RELL1: variants seen among roughly 807,000 people sequenced by gnomAD.
RELL1 encodes the protein RELT-like protein 1.
RELL1 carries 10 observed loss-of-function variants against 23.0 expected under a neutral mutation model. The observed-to-expected ratio is 0.43, with a 90% CI of 0.27 to 0.74. The LOEUF is 0.74. Among genes scored for constraint, RELL1 ranks in the 30% least tolerant of loss-of-function variants. RELL1 has a pLI of 0.19. For missense variants in RELL1, 315 were observed against 364.4 expected (o/e 0.86, Z 1.10); for synonymous variants, 146 against 146.8 (o/e 0.99, Z 0.04).
intron 6 of RELL1, among the ~76,000 whole-genome samples, chr4:37,600,278 A>T (rs868798348): frequency 0.015 from 2,235 of 152,066 alleles, 71 homozygotes; most frequent in African/African-American, 0.051. Context: ...TCAAAAAAAA[A>T]AAAAAAAAAA....
Position 37,650,553 on chromosome 4 carries a change from C to T in RELL1, c.89-1053G>A, listed in dbSNP as rs189188390. Among the ~76,000 whole-genome samples, 36 of 152,136 alleles carry T rather than the reference C, an allele frequency of 2.4e-4. No homozygotes were observed. In the East Asian group the frequency reaches 5.2e-3, roughly 22 times the overall value. ...AATGCTGTGGAAGGAAAACACGGGG[C>T]ACTAGAAGAGAAAAGAACAGTGGGG... On this transcript the variant is annotated intron_variant, in intron 1 of 6. Coordinates refer to ENST00000454158, the MANE Select transcript of RELL1 (RefSeq NM_001085400.2).
In RELL1 at chr4:37,597,647, A is replaced by G. The variant is rs2109480912; in HGVS notation, c.*4-6430T>C. Among the ~76,000 whole-genome samples, 5 of 152,346 alleles carry G rather than the reference A, an allele frequency of 3.3e-5. No individual in the cohort carries two copies. The Middle Eastern group carries it at 0.017, about 518-fold the overall frequency. On this transcript the variant is annotated intron_variant, in intron 6 of 6. Coordinates refer to the RELL1 transcript ENST00000314117. Reference sequence around the variant, plus strand: ...TGTTGATGCTTAGAAAGGAAACAAAAGCTTTAAATTACCAATTTCTGAAGA... The same window carrying G: ...TGTTGATGCTTAGAAAGGAAACAAAGGCTTTAAATTACCAATTTCTGAAGA...
At position 37,686,335 on chromosome 4, in the gene RELL1, C is replaced by T. The variant is rs763063509; in HGVS notation, c.-48G>A. 2.1e-6 allele frequency: 3 copies of T among 1,419,828 alleles called. No homozygotes were observed. Among genetic ancestry groups the T allele is most frequent in the Admixed American group, 2.5e-5 (1 of 40,642 alleles). 88.0% of individuals were successfully genotyped at this position (1,419,828 alleles called of 1,614,324 possible). On this transcript the variant is annotated 5_prime_UTR_variant, in exon 1 of 7. Transcript: ENST00000454158. ...CCCCCAGGGCGCCGCGTCCCGCGCT[C>T]GGGAAGGCAGAGCCGCTCCGGAGCC...
intron 1 of RELL1, among the ~76,000 whole-genome samples, chr4:37,661,847 G>T (rs1369595617): frequency 6.6e-6 from 1 of 152,150 alleles, no homozygotes; most frequent in Non-Finnish European, 1.5e-5. Flanking sequence ...AATAAGTGCT[G>T]AACTCTGTAG....
intron 6 of RELL1, among the ~76,000 whole-genome samples, chr4:37,628,128 T>C (rs1720012157): frequency 6.6e-6 from 1 of 152,210 alleles, no homozygotes; most frequent in African/African-American, 2.4e-5. Flanking sequence ...CCTTCCTTTT[T>C]CAGGGCCTAT....
At chr4:37,668,991 A>G (rs10025278) in intron 1 of RELL1, among the ~76,000 whole-genome samples, 42,855 of 130,778 alleles carry the variant, frequency 0.33, 8,072 homozygotes, top group African/African-American at 0.54. Flanking sequence ...CAGCCGCCCC[A>G]TCCAGGAGAG....
intron 6 of RELL1, among the ~76,000 whole-genome samples, chr4:37,620,851 C>T (rs1027710194): frequency 2.0e-5 from 3 of 152,106 alleles, no homozygotes; most frequent in Admixed American, 6.5e-5. Context: ...AGGGCTGATC[C>T]GATATAGTAA....
At chr4:37,604,908 C>CACACAG (rs1719143396) in intron 6 of RELL1, among the ~76,000 whole-genome samples, 1 of 72,208 alleles carries the variant, frequency 1.4e-5, no homozygotes, top group Non-Finnish European at 2.9e-5. Flanking sequence ...CAGACACACA[C>CACACAG]ACACACACAC....
In RELL1 at chr4:37,647,689, T is replaced by C. The variant is rs181589422; in HGVS notation, c.314-250A>G. On this transcript the variant is annotated intron_variant, in intron 2 of 6. Coordinates refer to ENST00000454158, the MANE Select transcript of RELL1 (RefSeq NM_001085400.2). Reference sequence around the variant, plus strand: ...ATACTCACTTTCCAAGACAATAATTTGAAAATGCATTTGTACCAGTCTTCA... The same window carrying C: ...ATACTCACTTTCCAAGACAATAATTCGAAAATGCATTTGTACCAGTCTTCA... Among the ~76,000 whole-genome samples the C allele has an allele frequency of 9.0e-4, 137 of 152,350 alleles. 1 individual carries two copies. Among genetic ancestry groups the C allele is most frequent in the African/African-American group, 3.1e-3 (130 of 41,578 alleles).
chr4:37,622,933 T>A (rs1018077422), intron 6 of RELL1: 3 of 415,174 alleles, frequency 7.2e-6, no homozygotes, highest in Non-Finnish European at 9.4e-6. Context: ...GCCTCCCGAG[T>A]AGCTGGGACT....
At chr4:37,609,129 T>C (rs931488997), downstream of RELL1, among the ~76,000 whole-genome samples, 7 of 152,174 alleles carry the variant, frequency 4.6e-5, no homozygotes, top group Non-Finnish European at 8.8e-5. Context: ...ATGCCTGGCT[T>C]CAAAACCTCA....
chr4:37,632,119 G>A lies in RELL1; in HGVS notation c.681-596C>T, dbSNP rs1178118969. On this transcript the variant is annotated intron_variant, in intron 5 of 6. Transcript: ENST00000454158. The stretch of plus-strand genomic sequence containing the variant: ...AAAAAAAAAAAAAAAACACCTCAGA[G>A]ACTCGAATATTAAACAGCGTCAGAG... 2.4e-4 allele frequency among the ~76,000 whole-genome samples: 33 copies of A among 139,064 alleles called. 1 individual carries two copies. Among genetic ancestry groups the A allele is most frequent in the Admixed American group, 2.2e-3 (29 of 13,338 alleles). 91.2% of individuals were successfully genotyped at this position (139,064 alleles called of 152,430 possible). A position where few individuals can be genotyped will look rare whatever the true frequency, so the allele number is the denominator to read the frequency against.
At chr4:37,618,399 T>A (rs4832925) in intron 6 of RELL1, among the ~76,000 whole-genome samples, 5,659 of 151,952 alleles carry the variant, frequency 0.037, 284 homozygotes, top group East Asian at 0.17. Flanking sequence ...TTTTATTTTT[T>A]TTTATTTATT....
intron 6 of RELL1, among the ~76,000 whole-genome samples, chr4:37,592,242 C>T (rs1247552162): frequency 2.0e-5 from 3 of 146,912 alleles, no homozygotes; most frequent in African/African-American, 7.5e-5. Flanking sequence ...CTAAGCTAGG[C>T]ACAGTGGCTC....
chr4:37,633,799 G>A (rs1238132284), intron 5 of RELL1, among the ~76,000 whole-genome samples: 10 of 152,344 alleles, frequency 6.6e-5, no homozygotes, highest in Non-Finnish European at 1.5e-4. Context: ...AGGTGAGTGT[G>A]ACTGTCCTTC....
At chr4:37,665,200 T>C (rs939713370) in intron 1 of RELL1, 2 of 455,786 alleles carry the variant, frequency 4.4e-6, no homozygotes, top group African/African-American at 4.0e-5. Flanking sequence ...CCAGTGTACT[T>C]ACACCCCATT....
At chr4:37,605,060 AT>A (rs1719154399) in intron 6 of RELL1, among the ~76,000 whole-genome samples, 1 of 152,208 alleles carries the variant, frequency 6.6e-6, no homozygotes, top group Non-Finnish European at 1.5e-5. Context: ...ACATGTAAAA[AT>A]ATCATAGATA....
chr4:37,610,373 G>A (rs1319944528), downstream of RELL1, among the ~76,000 whole-genome samples: 6 of 152,146 alleles, frequency 3.9e-5, no homozygotes, highest in South Asian at 6.2e-4. This position sits in a 1 kb window ranked among gnomAD's most constrained non-coding sequence, Gnocchi z 4.1. Context: ...AAAAGCTCAT[G>A]TGGCTGGCTT....
intron 1 of RELL1, among the ~76,000 whole-genome samples, chr4:37,660,736 A>G (rs553592315): frequency 6.6e-6 from 1 of 152,286 alleles, no homozygotes; most frequent in South Asian, 2.1e-4. Flanking sequence ...TCACATGGTT[A>G]AAAACTGTTA....
Sources: gnomAD v4.1 joint callset for allele counts (sites outside exome capture counted in the v4.1 genomes callset) on GRCh38, gnomAD v4.1.1 for gene constraint, Gnocchi (gnomAD v3.1) non-coding constraint, MANE v1.5 for transcripts, NCBI Gene and HGNC (gene_info 2026-07-23, HGNC 2026-07-21) for gene names.